The following EXOC5 variants were observed in gnomAD, a reference collection of about 807,000 sequenced individuals.
EXOC5 encodes exocyst complex component 5.
A neutral mutation model predicts 90.8 loss-of-function variants in EXOC5; 17 were observed. The ratio of observed to expected loss-of-function variants is 0.19; its 90% CI spans 0.13 to 0.28. The LOEUF (loss-of-function observed/expected upper bound fraction) is 0.28. EXOC5 is among the 10% of genes least tolerant of loss of function. The probability of loss-of-function intolerance (pLI) is 1.00; values close to 1 mark genes in which losing one functional copy is unlikely to be tolerated. For synonymous variants in EXOC5, 260 were observed against 270.0 expected, an observed-to-expected ratio of 0.96 and a Z score of 0.36; for missense variants, 569 against 830.6, an observed-to-expected ratio of 0.69 and a Z score of 3.87.
At chr14:57,237,651 A>C (rs1883702772) in intron 5 of EXOC5, 1 of 287,646 alleles carries the variant, frequency 3.5e-6, no homozygotes, top group African/African-American at 2.2e-5. Context: ...ATTGAAAATC[A>C]ATTCTCTTTT....
intron 5 of EXOC5, among the ~76,000 whole-genome samples, chr14:57,238,373 T>TACACACACACAC (rs1353864854): frequency 1.3e-5 from 1 of 79,914 alleles, no homozygotes; most frequent in Non-Finnish European, 3.0e-5. Flanking sequence ...TATATATATA[T>TACACACACACAC]ATACACACAC....
At chr14:57,254,987 T>C (rs1884307890) in intron 1 of EXOC5, among the ~76,000 whole-genome samples, 1 of 152,148 alleles carries the variant, frequency 6.6e-6, no homozygotes, top group Non-Finnish European at 1.5e-5. Context: ...GACAGATACA[T>C]GAAACTGGAT....
intron 12 of EXOC5, among the ~76,000 whole-genome samples, chr14:57,226,120 C>A (rs1200643586): frequency 6.6e-6 from 1 of 152,202 alleles, no homozygotes; most frequent in East Asian, 1.9e-4. Context: ...TGTCCTGCAA[C>A]TGTGAAGATA....
intron 13 of EXOC5, 77 bp from the exon 14 acceptor site, chr14:57,219,519 T>A (rs1280480017): frequency 2.7e-6 from 3 of 1,131,512 alleles, no homozygotes; most frequent in African/African-American, 3.3e-5. Flanking sequence ...AAGAATGTGG[T>A]TTTTTAATCT....
At chr14:57,214,034 G>C (rs1373024159) in intron 15 of EXOC5, among the ~76,000 whole-genome samples, 1 of 152,226 alleles carries the variant, frequency 6.6e-6, no homozygotes, top group Admixed American at 6.5e-5. Flanking sequence ...GTTAACCTCA[G>C]GGGTATCTGT....
intron 14 of EXOC5, 128 bp from the exon 15 acceptor site, chr14:57,218,196 G>A: frequency 2.1e-6 from 1 of 481,676 alleles, no homozygotes; most frequent in Non-Finnish European, 3.7e-6. Context: ...CATTAATATT[G>A]TTAACAAATC....
intron 12 of EXOC5, 110 bp from the exon 13 acceptor site, chr14:57,222,526 A>G: frequency 1.8e-6 from 1 of 548,244 alleles, no homozygotes; most frequent in Non-Finnish European, 3.3e-6. Flanking sequence ...TTCAGGTATG[A>G]AAATAACTCA....
Position 57,210,107 on chromosome 14 carries a change from CTA to C in EXOC5, c.1614-48_1614-47del, listed in dbSNP as rs753808660. 1.2e-5 allele frequency: 9 copies of C among 767,956 alleles called. No individual in the cohort carries two copies. In the African/African-American group the frequency reaches 1.2e-4, roughly 11 times the overall value. 47.6% of individuals were successfully genotyped at this position (767,956 alleles called of 1,614,324 possible). On this transcript the variant is annotated intron_variant, in intron 15 of 17. Transcript: ENST00000621441. ...CATTCTTTAACCCATCTAACTTACT[CTA>C]TGTTTATGTTTAATTATATTATTTA...
chr14:57,221,312 A>G (rs1883132826), intron 13 of EXOC5, among the ~76,000 whole-genome samples: 1 of 152,206 alleles, frequency 6.6e-6, no homozygotes, highest in Admixed American at 6.5e-5. Context: ...GAGATGATCA[A>G]TACATACCAG....
intron 12 of EXOC5, among the ~76,000 whole-genome samples, chr14:57,226,580 A>G (rs1883315081): frequency 6.6e-6 from 1 of 152,202 alleles, no homozygotes; most frequent in Non-Finnish European, 1.5e-5. Context: ...TAGGACTTAC[A>G]CTACCCGATT....
At chr14:57,251,550 T>C (rs1884192959) in intron 1 of EXOC5, among the ~76,000 whole-genome samples, 1 of 151,908 alleles carries the variant, frequency 6.6e-6, no homozygotes, top group African/African-American at 2.4e-5. Flanking sequence ...AAGGAGTAAA[T>C]TTGCAACTAG....
intron 1 of EXOC5, among the ~76,000 whole-genome samples, chr14:57,267,245 C>T (rs920278244): frequency 2.6e-5 from 4 of 152,214 alleles, no homozygotes; most frequent in Admixed American, 1.3e-4. Flanking sequence ...TCTCCCAACA[C>T]TTAAGTGAGA....
chr14:57,236,541 C>G (rs747452352), intron 6 of EXOC5, among the ~76,000 whole-genome samples: 1 of 152,098 alleles, frequency 6.6e-6, no homozygotes, highest in Non-Finnish European at 1.5e-5. Flanking sequence ...CCGCCTCGGC[C>G]TCCCAAAGTG....
At chr14:57,264,654 C>T (rs1039968502) in intron 1 of EXOC5, among the ~76,000 whole-genome samples, 2 of 152,200 alleles carry the variant, frequency 1.3e-5, no homozygotes, top group Non-Finnish European at 2.9e-5. Flanking sequence ...CTACAACCCT[C>T]CCTTTATGTC....
rs753170127 is a variant in EXOC5, at chr14:57,233,833, T to C, written c.765A>G (p.Gln255=). The part of the protein sequence containing the change: ...DIFEDAGILC[Q]RVNKQVGDIF... The stretch of plus-strand genomic sequence containing the variant: ...TATCTCCAACTTGTTTGTTCACTCT[T>C]TGACAGAGTATTCCAGCGTCTTCAA... Residue 255 remains glutamine (Q), a synonymous_variant, in exon 9 of 18, where the codon CAA becomes CAG. Transcript: ENST00000621441. 20 of 1,608,806 alleles carry C rather than the reference T, an allele frequency of 1.2e-5. No individual in the cohort carries two copies. The highest frequency in any genetic ancestry group is 1.5e-5 in the Non-Finnish European group (18 of 1,175,388).
intron 12 of EXOC5, among the ~76,000 whole-genome samples, chr14:57,228,005 T>C (rs528101704): frequency 6.9e-4 from 101 of 146,284 alleles, no homozygotes; most frequent in African/African-American, 2.3e-3. Flanking sequence ...ACAAGATATA[T>C]ATACATACAC....
rs1328222003 is a variant in EXOC5 at position 57,203,284 on chromosome 14, A to AT, written c.*5324dup. 2.6e-5 allele frequency: 4 copies of AT among 152,156 alleles called. No homozygotes were observed. The highest frequency in any genetic ancestry group is 5.9e-5 in the Non-Finnish European group (4 of 68,010). The allele number at this position is 152,156 out of a possible 1,614,324, so 9.4% of individuals were successfully genotyped here. On this transcript the variant is annotated 3_prime_UTR_variant, in exon 18 of 18. Coordinates refer to ENST00000621441, the MANE Select transcript of EXOC5 (RefSeq NM_006544.4). ...AGAGTTGAAAGGAACCAGTTACAGT[A>AT]TAAAGATTAAAATGATAGGCAGGCA...
intron 12 of EXOC5, 113 bp downstream of exon 12, chr14:57,229,621 T>C (rs1864574863): frequency 1.8e-6 from 1 of 555,868 alleles, no homozygotes; most frequent in Admixed American, 3.4e-5. Flanking sequence ...ACACACTTTA[T>C]ATAGCAGACT....
chr14:57,266,399 G>A (rs1016160183), intron 1 of EXOC5, among the ~76,000 whole-genome samples: 2 of 152,134 alleles, frequency 1.3e-5, no homozygotes, highest in Non-Finnish European at 2.9e-5. Flanking sequence ...TTACTCAAGA[G>A]TAGAGTCCAC....
Sources: gnomAD v4.1 joint callset for allele counts (sites outside exome capture counted in the v4.1 genomes callset) on GRCh38, gnomAD v4.1.1 for gene constraint, MANE v1.5 for transcripts, NCBI Gene and HGNC (gene_info 2026-07-23, HGNC 2026-07-21) for gene names.